Variants in TNS1 observed in about 807,000 individuals in gnomAD.
The protein encoded by TNS1 is tensin-1.
Under a neutral mutation model 168.6 loss-of-function variants are expected in TNS1, and 62 were observed. The ratio of observed to expected loss-of-function variants is 0.37; its 90% CI spans 0.30 to 0.45. The LOEUF (loss-of-function observed/expected upper bound fraction) is 0.45, where lower values mean the gene tolerates loss of function less well. Among genes scored for constraint, TNS1 ranks in the 20% least tolerant of loss-of-function variants. The pLI is 1.00. For synonymous variants in TNS1, 934 were observed against 933.2 expected (o/e 1.00, Z -0.02); for missense variants, 2,240 against 2,339.4 (o/e 0.96, Z 0.88).
Position 217,813,357 on chromosome 2 carries a change from C to T in TNS1, c.4862-50G>A. ...GCTCAGTCCCTGCCCATGGCTTCCT[C>T]CCACCACCTCCCAAGACTGCTTCAA... On this transcript the variant is annotated intron_variant, in intron 26 of 32. Coordinates refer to ENST00000682258, the MANE Select transcript of TNS1 (RefSeq NM_001387777.1). This position sits in a 1 kb window ranked among gnomAD's most constrained non-coding sequence, Gnocchi z 4.0. 2 of 1,385,102 alleles carry T rather than the reference C, an allele frequency of 1.4e-6. No individual in the cohort carries two copies. The highest frequency in any genetic ancestry group is 2.0e-6 in the Non-Finnish European group (2 of 994,884). 85.8% of individuals were successfully genotyped at this position (1,385,102 alleles called of 1,614,324 possible).
chr2:218,010,281 G>A (rs1373828782), exon 1 of TNS1: 3 of 397,816 alleles, frequency 7.5e-6, no homozygotes, highest in Non-Finnish European at 1.3e-5. Flanking sequence ...GGGTTGGGGC[G>A]GGGTAGGAAG....
At chr2:217,960,324 C>T (rs1460217035) in intron 3 of TNS1, among the ~76,000 whole-genome samples, 1 of 152,058 alleles carries the variant, frequency 6.6e-6, no homozygotes, top group African/African-American at 2.4e-5. Context: ...GCCAAGAATG[C>T]TCACTGATAC....
At chr2:218,031,306 TGTATGA>T (rs1314156654) in intron 1 of TNS1, among the ~76,000 whole-genome samples, 1 of 141,774 alleles carries the variant, frequency 7.1e-6, no homozygotes, top group Non-Finnish European at 1.5e-5. Context: ...TGTGTCTTTG[TGTATGA>T]GTGTGGGTGT....
intron 12 of TNS1, among the ~76,000 whole-genome samples, chr2:217,889,391 G>A (rs984941058): frequency 6.6e-6 from 1 of 152,266 alleles, no homozygotes; most frequent in Non-Finnish European, 1.5e-5. Context: ...TGATGAGGCT[G>A]GAGAGCTCCA....
At chr2:218,007,567 G>GT (rs1491491003), upstream of TNS1, among the ~76,000 whole-genome samples, 1 of 7,462 alleles carries the variant, frequency 1.3e-4, no homozygotes, top group Non-Finnish European at 1.3e-3. Context: ...CTCGGGGGGT[G>GT]GGGGGGGGGG....
intron 18 of TNS1, among the ~76,000 whole-genome samples, chr2:217,875,894 A>T (rs1016256591): frequency 6.6e-6 from 1 of 152,134 alleles, no homozygotes; most frequent in Non-Finnish European, 1.5e-5. Context: ...TTGTCCATGG[A>T]AACAAGGGAA....
chr2:217,815,842 G>T (rs1214812562), intron 24 of TNS1, among the ~76,000 whole-genome samples: 2 of 152,074 alleles, frequency 1.3e-5, no homozygotes, highest in African/African-American at 4.8e-5. Context: ...ACTTTCCACA[G>T]GGAAGGCCTA....
chr2:217,829,831 A>G (rs942855167), intron 22 of TNS1: 1 of 1,614,158 alleles, frequency 6.2e-7, no homozygotes, highest in Admixed American at 1.7e-5. Flanking sequence ...AAGTCACAGC[A>G]AATGCTACTT....
intron 28 of TNS1, 102 bp from the exon 29 acceptor site, chr2:217,810,421 G>A (rs918950): frequency 0.59 from 647,166 of 1,087,776 alleles, 195,975 homozygotes; most frequent in African/African-American, 0.77. Context: ...CAGAAGGAAC[G>A]CTGCTTTTCA....
At chr2:217,918,661 C>T (rs938777369) in intron 4 of TNS1, among the ~76,000 whole-genome samples, 1 of 152,182 alleles carries the variant, frequency 6.6e-6, no homozygotes, top group Non-Finnish European at 1.5e-5. Flanking sequence ...ACCCTGAACC[C>T]CCAGCCTCAT....
intron 3 of TNS1, among the ~76,000 whole-genome samples, chr2:217,934,328 G>C (rs184675994): frequency 2.6e-5 from 4 of 152,160 alleles, no homozygotes; most frequent in African/African-American, 7.2e-5. Flanking sequence ...CCTGCTGGCC[G>C]GGACCCCCAG....
intron 4 of TNS1, among the ~76,000 whole-genome samples, chr2:217,915,226 C>T (rs10165875): frequency 0.22 from 33,900 of 152,158 alleles, 4,155 homozygotes; most frequent in Non-Finnish European, 0.28. Flanking sequence ...CTGAGTGCTC[C>T]GCTCCCTTTC....
intron 1 of TNS1, among the ~76,000 whole-genome samples, chr2:218,021,570 C>T (rs957714628): frequency 2.0e-5 from 3 of 152,228 alleles, no homozygotes; most frequent in Non-Finnish European, 2.9e-5. Flanking sequence ...GAGTTCTGCC[C>T]TTATCACATA....
At chr2:217,993,839 G>A (rs953462413) in intron 1 of TNS1, among the ~76,000 whole-genome samples, 3 of 152,206 alleles carry the variant, frequency 2.0e-5, no homozygotes, top group Non-Finnish European at 4.4e-5. Context: ...AGTATTTAAC[G>A]GTGGTGGGGC....
chr2:217,952,408 T>G (rs1957265080), intron 3 of TNS1, among the ~76,000 whole-genome samples: 1 of 152,080 alleles, frequency 6.6e-6, no homozygotes, highest in African/African-American at 2.4e-5. Context: ...TCATATTGCC[T>G]CTAAAAGGCC....
chr2:217,838,436 C>T (rs1945468506), intron 19 of TNS1, among the ~76,000 whole-genome samples: 1 of 152,240 alleles, frequency 6.6e-6, no homozygotes, highest in Admixed American at 6.5e-5. Context: ...TGAGCTGCAC[C>T]TTCCCAATCC....
intron 3 of TNS1, among the ~76,000 whole-genome samples, chr2:217,967,392 A>G (rs1957675180): frequency 6.6e-6 from 1 of 152,148 alleles, no homozygotes; most frequent in African/African-American, 2.4e-5. Flanking sequence ...GAAAAGGTAA[A>G]TTCTTTGAAA....
intron 3 of TNS1, among the ~76,000 whole-genome samples, chr2:217,931,303 T>A (rs185494904): frequency 6.6e-6 from 1 of 152,032 alleles, no homozygotes; most frequent in African/African-American, 2.4e-5. Flanking sequence ...TGTTTCTAGA[T>A]GGAAACTTGA....
In TNS1 at chr2:217,834,843, T is replaced by C. The variant is rs144750491; in HGVS notation, c.3280+248A>G. On this transcript the variant is annotated intron_variant, in intron 21 of 32. Transcript: ENST00000682258. ...CATAATGTGGGAGCCCAGAGTCCCA[T>C]GGTCACTCAGTCTGGACCCTAAAAC... Among the ~76,000 whole-genome samples the C allele has an allele frequency of 3.9e-3, 594 of 152,312 alleles. 5 individuals carry two copies. Among genetic ancestry groups the C allele is most frequent in the African/African-American group, 0.013 (550 of 41,558 alleles).
Sources: allele counts gnomAD v4.1 joint callset (sites outside exome capture counted in the v4.1 genomes callset), GRCh38; gene constraint gnomAD v4.1.1; non-coding constraint Gnocchi (gnomAD v3.1); transcripts MANE v1.5; gene names NCBI Gene and HGNC (gene_info 2026-07-23, HGNC 2026-07-21).